Variants in RAB1A observed in about 807,000 individuals in gnomAD.
RAB1A encodes RAB1A, member RAS oncogene family, also known as ras-related protein Rab-1A.
A neutral mutation model predicts 26.0 loss-of-function variants in RAB1A; 2 were observed. The observed-to-expected ratio is 0.08, with a 90% confidence interval of 0.03 to 0.24. The LOEUF (loss-of-function observed/expected upper bound fraction) is 0.24, where lower values mean the gene tolerates loss of function less well. Ranked by LOEUF, RAB1A falls within the 10% of genes least tolerant of loss-of-function variation. The probability of loss-of-function intolerance (pLI) is 1.00; values close to 1 mark genes in which losing one functional copy is unlikely to be tolerated. For missense variants in RAB1A, 100 were observed against 247.0 expected (o/e 0.40, Z 3.99); for synonymous variants, 84 against 84.9 (o/e 0.99, Z 0.06).
intron 1 of RAB1A, among the ~76,000 whole-genome samples, chr2:65,119,974 T>A (rs1402403073): frequency 1.3e-5 from 2 of 151,538 alleles, no homozygotes; most frequent in Admixed American, 6.6e-5. Flanking sequence ...CTTTAGTAAG[T>A]AAGAAATCCA....
chr2:65,123,892 GACA>G (rs1216653472), intron 1 of RAB1A, among the ~76,000 whole-genome samples: 4 of 102,498 alleles, frequency 3.9e-5, no homozygotes, highest in Admixed American at 1.1e-4. Flanking sequence ...CCATCTTTAA[GACA>G]ACGTTAAAAA....
intron 3 of RAB1A, among the ~76,000 whole-genome samples, chr2:65,091,644 G>A (rs1243271469): frequency 6.6e-6 from 1 of 152,036 alleles, no homozygotes; most frequent in Non-Finnish European, 1.5e-5. Flanking sequence ...TTCCACCTGA[G>A]CCTCCTGAGT....
At chr2:65,127,417 C>G (rs760018894) in intron 1 of RAB1A, among the ~76,000 whole-genome samples, 28 of 152,316 alleles carry the variant, frequency 1.8e-4, no homozygotes, top group South Asian at 1.2e-3. Context: ...TTTGCTATAT[C>G]TACTGGTATT....
intron 1 of RAB1A, among the ~76,000 whole-genome samples, chr2:65,111,115 G>A (rs895755847): frequency 1.2e-4 from 18 of 152,120 alleles, no homozygotes; most frequent in African/African-American, 3.6e-4. Context: ...TAATCCTAGC[G>A]CTTTGGGAGG....
intron 2 of RAB1A, among the ~76,000 whole-genome samples, chr2:65,102,817 T>G (rs541392468): frequency 6.6e-6 from 1 of 151,710 alleles, no homozygotes; most frequent in Non-Finnish European, 1.5e-5. Context: ...TCCCAGCTAC[T>G]TGGGAGGCTA....
At chr2:65,126,651 T>C (rs1349192194) in intron 1 of RAB1A, among the ~76,000 whole-genome samples, 1 of 152,180 alleles carries the variant, frequency 6.6e-6, no homozygotes, top group Non-Finnish European at 1.5e-5. Flanking sequence ...TTAAGGAACA[T>C]CTGGAGTACA....
intron 1 of RAB1A, among the ~76,000 whole-genome samples, chr2:65,115,246 C>T (rs942585067): frequency 2.6e-5 from 4 of 152,162 alleles, no homozygotes; most frequent in Non-Finnish European, 5.9e-5. Context: ...TTGAAAATAG[C>T]ATAAAACTAA....
intron 2 of RAB1A, among the ~76,000 whole-genome samples, chr2:65,101,594 G>C (rs552434113): frequency 6.6e-6 from 1 of 151,922 alleles, no homozygotes; most frequent in African/African-American, 2.4e-5. Flanking sequence ...CCCACCTACC[G>C]AGAGTTGCTT....
chr2:65,088,340 G>C lies in RAB1A; in HGVS notation c.*153C>G. The C allele has an allele frequency of 1.6e-6, 1 of 608,422 alleles. No homozygotes were observed. The highest frequency in any genetic ancestry group is 3.5e-5 in the Admixed American group (1 of 28,286). 37.7% of individuals were successfully genotyped at this position (608,422 alleles called of 1,614,324 possible). On this transcript the variant is annotated 3_prime_UTR_variant, in exon 6 of 6. Transcript: ENST00000409784. ...CTTGAGTCAAGGGAATAAAAAAAAA[G>C]TCAGTATTGACCATTTACAATCTCT...
rs1480126832 is a variant in RAB1A, at chr2:65,086,950, TG to T, written c.*1542del. The T allele has an allele frequency of 6.6e-6, 1 of 152,626 alleles. No homozygotes were observed. The highest frequency in any genetic ancestry group is 1.5e-5 in the Non-Finnish European group (1 of 68,040). 9.5% of individuals were successfully genotyped at this position (152,626 alleles called of 1,614,324 possible). On this transcript the variant is annotated 3_prime_UTR_variant, in exon 6 of 6. Coordinates refer to ENST00000409784, the MANE Select transcript of RAB1A (RefSeq NM_004161.5). ...TTACAATTATCTTACCACTTATTTT[TG>T]TACCATGTATTTCAATTGCCTGTTT... is the stretch of plus-strand genomic sequence containing the variant.
intron 1 of RAB1A, among the ~76,000 whole-genome samples, chr2:65,120,326 G>A (rs34667950): frequency 0.017 from 2,505 of 151,742 alleles, 24 homozygotes; most frequent in Middle Eastern, 0.037. Flanking sequence ...GCGTGGTGGC[G>A]CAGCCTGTAA....
chr2:65,098,661 G>A (rs1355346470), intron 2 of RAB1A, among the ~76,000 whole-genome samples: 3 of 151,856 alleles, frequency 2.0e-5, no homozygotes, highest in Non-Finnish European at 2.9e-5. Context: ...CTTCACTCCA[G>A]AAAGAACCCG....
At chr2:65,114,208 T>C (rs1669770830) in intron 1 of RAB1A, 8 of 414,534 alleles carry the variant, frequency 1.9e-5, no homozygotes, top group Non-Finnish European at 1.9e-5. Context: ...AAGGTTCACA[T>C]GTCAATGAAC....
At chr2:65,111,670 T>C (rs77582360) in intron 1 of RAB1A, among the ~76,000 whole-genome samples, 7,151 of 152,266 alleles carry the variant, frequency 0.047, 553 homozygotes, top group African/African-American at 0.16. Context: ...ATGTAAGATG[T>C]TACTATTAGG....
chr2:65,129,611 C>A (rs377487967), intron 1 of RAB1A, among the ~76,000 whole-genome samples: 13 of 152,156 alleles, frequency 8.5e-5, no homozygotes, highest in African/African-American at 2.6e-4. Context: ...CCGCCCCAGG[C>A]CCCTCGGCAG....
chr2:65,114,397 G>A (rs1395806968), intron 1 of RAB1A, among the ~76,000 whole-genome samples: 1 of 152,118 alleles, frequency 6.6e-6, no homozygotes, highest in Non-Finnish European at 1.5e-5. Context: ...AATATCAGCT[G>A]TAAGTACCTT....
chr2:65,102,550 A>G (rs1054873976), intron 2 of RAB1A, among the ~76,000 whole-genome samples: 1 of 151,996 alleles, frequency 6.6e-6, no homozygotes, highest in African/African-American at 2.4e-5. Flanking sequence ...CCTTGAAATG[A>G]CTATCACAGT....
chr2:65,130,088 T>G lies in RAB1A; in HGVS notation c.-173A>C, dbSNP rs1304204180. ...CAATCAGCAGCCGCCGCCACTCAGC[T>G]ATCGCTTCCACCCAAAATGGCCGCC... On this transcript the variant is annotated 5_prime_UTR_variant, in exon 1 of 6. Coordinates refer to ENST00000409784, the MANE Select transcript of RAB1A (RefSeq NM_004161.5). 2.2e-5 allele frequency: 17 copies of G among 769,538 alleles called. No homozygotes were observed. The highest frequency in any genetic ancestry group is 4.3e-5 in the Admixed American group (2 of 46,140). The allele number at this position is 769,538 out of a possible 1,614,324, so 47.7% of individuals were successfully genotyped here.
chr2:65,108,397 T>TA (rs1256989454), intron 1 of RAB1A, among the ~76,000 whole-genome samples: 1 of 152,024 alleles, frequency 6.6e-6, no homozygotes, highest in Non-Finnish European at 1.5e-5. Flanking sequence ...GAAGGTTTCC[T>TA]AATTGCACTA....
Sources: allele counts gnomAD v4.1 joint callset (sites outside exome capture counted in the v4.1 genomes callset), GRCh38; gene constraint gnomAD v4.1.1; transcripts MANE v1.5; gene names NCBI Gene and HGNC (gene_info 2026-07-23, HGNC 2026-07-21).